Variants in ACOT11 observed in about 807,000 individuals in gnomAD.
ACOT11 encodes acyl-coenzyme A thioesterase 11.
In ACOT11, 69 loss-of-function variants were observed where a neutral mutation model predicts 77.5. That is an observed-to-expected ratio of 0.89 (90% CI 0.73 to 1.09). The LOEUF is 1.09. ACOT11 is among the 50% of genes least tolerant of loss of function. The pLI is 0.00. For synonymous variants in ACOT11, 279 were observed against 313.0 expected, an observed-to-expected ratio of 0.89 and a Z score of 1.15; for missense variants, 766 against 813.7, an observed-to-expected ratio of 0.94 and a Z score of 0.71.
chr1:54,565,825 A>G (rs1229140572), intron 1 of ACOT11, among the ~76,000 whole-genome samples: 1 of 152,204 alleles, frequency 6.6e-6, no homozygotes, highest in African/African-American at 2.4e-5. Context: ...CCCAGACTCT[A>G]GGCAAACAAA....
Position 54,607,259 on chromosome 1 carries a change from A to T in ACOT11, c.1496A>T (p.Asp499Val), listed in dbSNP as rs1296257927. 6.2e-7 allele frequency: 1 copy of T among 1,614,042 alleles called. No homozygotes were observed. The highest frequency in any genetic ancestry group is 1.1e-5 in the South Asian group (1 of 91,084). Reference protein sequence around the residue: ...VILASRRKPCDNGDPYVIALR... With the variant: ...VILASRRKPCVNGDPYVIALR... ...CTGGCCTCGAGGCGGAAGCCTTGTG[A>T]CAATGGGTGTGTGCCTATCTGCTGT... The change falls in exon 14 of 16, where the codon GAC (aspartate) becomes GTC (valine). Residue 499 changes from aspartate to valine, a missense_variant. Coordinates refer to ENST00000343744, the MANE Select transcript of ACOT11 (RefSeq NM_147161.4). This position sits in a 1 kb window ranked among gnomAD's most constrained non-coding sequence, Gnocchi z 4.5.
chr1:54,617,709 A>ATTTTTTT lies in ACOT11; in HGVS notation c.1629+9670_1629+9676dup, dbSNP rs56229276. Among the ~76,000 whole-genome samples, 163 of 55,764 alleles carry ATTTTTTT rather than the reference A, an allele frequency of 2.9e-3. 20 individuals are homozygous for ATTTTTTT. The highest frequency in any genetic ancestry group is 3.2e-3 in the Non-Finnish European group (104 of 32,906). The allele number at this position is 55,764 out of a possible 152,430, so 36.6% of individuals were successfully genotyped here. A position where few individuals can be genotyped will look rare whatever the true frequency, so the allele number is the denominator to read the frequency against. ...CACTAGGTCTGCAGCAGGGCCTGAG[A>ATTTTTTT]TTTTTTTTTTTTTTTTTTTTTTTTT... On this transcript the variant is annotated intron_variant, in intron 15 of 16. Coordinates refer to the ACOT11 transcript ENST00000371316.
At chr1:54,577,220 A>G (rs1215791701) in intron 1 of ACOT11, among the ~76,000 whole-genome samples, 1 of 152,206 alleles carries the variant, frequency 6.6e-6, no homozygotes, top group Non-Finnish European at 1.5e-5. Flanking sequence ...ACGGTGTTGT[A>G]CAACCACCAC....
chr1:54,625,411 G>A (rs74724624), intron 15 of ACOT11, among the ~76,000 whole-genome samples: 6,739 of 152,064 alleles, frequency 0.044, 180 homozygotes, highest in Middle Eastern at 0.11. Context: ...TTCTTATTGG[G>A]GCTGCTCTCT....
At chr1:54,561,009 G>A (rs943480315) in intron 1 of ACOT11, among the ~76,000 whole-genome samples, 3 of 151,742 alleles carry the variant, frequency 2.0e-5, no homozygotes, top group East Asian at 2.0e-4. Flanking sequence ...AAGGCAATCC[G>A]CCCACCTTGG....
At chr1:54,568,080 C>T (rs1443107129) in intron 1 of ACOT11, among the ~76,000 whole-genome samples, 4 of 152,130 alleles carry the variant, frequency 2.6e-5, no homozygotes, top group Non-Finnish European at 2.9e-5. Context: ...CTCTGACAGC[C>T]GGTCCCTGCG....
intron 1 of ACOT11, among the ~76,000 whole-genome samples, chr1:54,559,473 GCAT>G (rs751074782): frequency 2.0e-5 from 3 of 152,236 alleles, no homozygotes; most frequent in Non-Finnish European, 2.9e-5. Flanking sequence ...ACCTCTGTGG[GCAT>G]CAGTTTCCTA....
intron 9 of ACOT11, among the ~76,000 whole-genome samples, chr1:54,601,868 CAGG>C (rs1643968735): frequency 1.3e-5 from 2 of 152,226 alleles, no homozygotes; most frequent in African/African-American, 2.4e-5. Flanking sequence ...TGGGAGCGGT[CAGG>C]AGGATGGTGA....
intron 1 of ACOT11, among the ~76,000 whole-genome samples, chr1:54,563,841 G>A (rs1212726127): frequency 6.6e-6 from 1 of 151,996 alleles, no homozygotes; most frequent in Admixed American, 6.6e-5. Context: ...AGCGGGGGGC[G>A]GATCACTTAA....
chr1:54,576,702 G>C (rs1284549354), intron 1 of ACOT11, among the ~76,000 whole-genome samples: 1 of 152,144 alleles, frequency 6.6e-6, no homozygotes, highest in Non-Finnish European at 1.5e-5. Flanking sequence ...TACAGCTTAT[G>C]CTTTTGTTAA....
At chr1:54,576,491 TAAAAAAAAA>T (rs71581820) in intron 1 of ACOT11, among the ~76,000 whole-genome samples, 1 of 68,366 alleles carries the variant, frequency 1.5e-5, no homozygotes, top group Non-Finnish European at 3.0e-5. Flanking sequence ...GAGCAAGATC[TAAAAAAAAA>T]AAAAAAAAAA....
At chr1:54,635,396 A>G in exon 17 of ACOT11, 1 of 300,664 alleles carries the variant, frequency 3.3e-6, no homozygotes. Context: ...TGGCACCTCA[A>G]CCTCAAATAA....
rs1654428513 is a variant in ACOT11 at position 54,584,533 on chromosome 1, G to GT, written c.34-121dup. On this transcript the variant is annotated intron_variant, in intron 1 of 15. Coordinates refer to ENST00000343744, the MANE Select transcript of ACOT11 (RefSeq NM_147161.4). The surrounding 1 kb of genome is among the most constrained non-coding windows in gnomAD (Gnocchi z 6.3). ...GTGACCACTCTCGGGTTGGGGTCTG[G>GT]TGGGAGGTGGCCCTAGGTACTCTCT... is the stretch of plus-strand genomic sequence containing the variant. 3 of 905,118 alleles carry GT rather than the reference G, an allele frequency of 3.3e-6. No individual in the cohort carries two copies. In the Admixed American group the frequency reaches 7.4e-5, roughly 22 times the overall value. 56.1% of individuals were successfully genotyped at this position (905,118 alleles called of 1,614,324 possible). A position where few individuals can be genotyped will look rare whatever the true frequency, so the allele number is the denominator to read the frequency against.
intron 15 of ACOT11, among the ~76,000 whole-genome samples, chr1:54,615,819 AC>A (rs1410980002): frequency 3.3e-5 from 5 of 152,156 alleles, no homozygotes; most frequent in Non-Finnish European, 7.4e-5. Context: ...CCAGGAGAAA[AC>A]ACCAGGACCT....
In ACOT11 at chr1:54,628,815, T is replaced by G. The variant is rs1017427257; in HGVS notation, c.1630-1919T>G. ...TGGCTCATGCCTGTAATCCCAACACTTTGGGAGGCTAAGGCGGGCGGATCA... is the reference window on the plus strand; with the variant it reads ...TGGCTCATGCCTGTAATCCCAACACGTTGGGAGGCTAAGGCGGGCGGATCA... On this transcript the variant is annotated intron_variant, in intron 15 of 16. Coordinates refer to the ACOT11 transcript ENST00000371316. Among the ~76,000 whole-genome samples the G allele has an allele frequency of 9.8e-5, 13 of 132,272 alleles. 1 individual carries two copies. The highest frequency in any genetic ancestry group is 3.3e-4 in the African/African-American group (13 of 39,014). 86.8% of individuals were successfully genotyped at this position (132,272 alleles called of 152,430 possible).
intron 1 of ACOT11, among the ~76,000 whole-genome samples, chr1:54,578,087 A>G (rs188806151): frequency 5.1e-4 from 78 of 152,302 alleles, no homozygotes; most frequent in Non-Finnish European, 7.9e-4. Flanking sequence ...CTGTGTCAAT[A>G]GTGCCAGTTC....
chr1:54,637,183 T>C (rs1644335883), exon 17 of ACOT11: 2 of 152,204 alleles, frequency 1.3e-5, no homozygotes, highest in African/African-American at 4.8e-5. Context: ...CACACCTCTA[T>C]ATTTTTGTGT....
rs1644073332 is a variant in ACOT11, at chr1:54,608,979, C to T, written c.1652C>T (p.Thr551Ile). The T allele has an allele frequency of 3.7e-6, 6 of 1,614,096 alleles. No homozygotes were observed. Among genetic ancestry groups the T allele is most frequent in the Non-Finnish European group, 5.1e-6 (6 of 1,179,968 alleles). The change falls in exon 16 of 16, where the codon ACC becomes ATC. Residue 551 changes from threonine to isoleucine, a missense_variant. Coordinates refer to ENST00000343744, the MANE Select transcript of ACOT11 (RefSeq NM_147161.4). ...CAGGTATCCTACTACAACCAGGCCA[C>T]CCCAGGTGTTCTCAACTATGTGACC... ...LTKVSYYNQA[T>I]PGVLNYVTTN... is the part of the protein sequence containing the mutation.
At chr1:54,608,323 A>G (rs1644057098) in intron 15 of ACOT11, among the ~76,000 whole-genome samples, 1 of 152,160 alleles carries the variant, frequency 6.6e-6, no homozygotes, top group African/African-American at 2.4e-5. Context: ...TCTGAACTGA[A>G]ATTCCATCTC....
Sources: allele counts gnomAD v4.1 joint callset (sites outside exome capture counted in the v4.1 genomes callset), GRCh38; gene constraint gnomAD v4.1.1; non-coding constraint Gnocchi (gnomAD v3.1); transcripts MANE v1.5; gene names NCBI Gene and HGNC (gene_info 2026-07-23, HGNC 2026-07-21).